AFG1L: variants seen among roughly 807,000 people sequenced by gnomAD.
AFG1L encodes the protein AFG1-like ATPase.
Under a neutral mutation model 62.2 loss-of-function variants are expected in AFG1L, and 53 were observed. The observed-to-expected ratio is 0.85, with a 90% confidence interval of 0.68 to 1.07. The LOEUF is 1.07. Ranked by LOEUF, AFG1L falls within the 50% of genes least tolerant of loss-of-function variation. The probability of loss-of-function intolerance (pLI) is 0.00; values close to 1 mark genes in which losing one functional copy is unlikely to be tolerated. For missense variants in AFG1L, 555 were observed against 590.5 expected (o/e 0.94, Z 0.62); for synonymous variants, 228 against 210.3 (o/e 1.08, Z -0.73).
intron 8 of AFG1L, among the ~76,000 whole-genome samples, chr6:108,459,948 G>T (rs541371631): frequency 1.3e-5 from 2 of 152,106 alleles, no homozygotes; most frequent in Non-Finnish European, 2.9e-5. Flanking sequence ...ATAAGAAAGA[G>T]AGAGATGGAT....
intron 10 of AFG1L, among the ~76,000 whole-genome samples, chr6:108,505,079 A>ATTTTTTTTTTTTTT (rs34326858): frequency 7.0e-6 from 1 of 142,890 alleles, no homozygotes; most frequent in Non-Finnish European, 1.5e-5. Context: ...CTGAGCTTGG[A>ATTTTTTTTTTTTTT]TTTTTTTTTT....
chr6:108,347,924 T>C (rs1582413601), intron 3 of AFG1L, among the ~76,000 whole-genome samples: 1 of 152,158 alleles, frequency 6.6e-6, no homozygotes, highest in African/African-American at 2.4e-5. Flanking sequence ...GAGGTCAGTT[T>C]TGGACCTAGA....
At chr6:108,456,989 A>G (rs1338053384) in intron 8 of AFG1L, among the ~76,000 whole-genome samples, 1 of 152,170 alleles carries the variant, frequency 6.6e-6, no homozygotes, top group Non-Finnish European at 1.5e-5. Context: ...GGTTTGTGTC[A>G]GTATACTCTT....
intron 7 of AFG1L, among the ~76,000 whole-genome samples, chr6:108,437,122 C>G (rs1233962544): frequency 2.6e-5 from 4 of 152,190 alleles, no homozygotes; most frequent in Non-Finnish European, 5.9e-5. Context: ...AGGACTTAAT[C>G]ACCTCCCAAA....
At chr6:108,338,460 G>C (rs1346330085) in intron 2 of AFG1L, among the ~76,000 whole-genome samples, 1 of 152,168 alleles carries the variant, frequency 6.6e-6, no homozygotes, top group Non-Finnish European at 1.5e-5. Context: ...CAAAGACTCT[G>C]AGAAATTCTG....
chr6:108,423,568 A>G (rs1172182663), intron 7 of AFG1L, among the ~76,000 whole-genome samples: 1 of 152,074 alleles, frequency 6.6e-6, no homozygotes, highest in Non-Finnish European at 1.5e-5. Flanking sequence ...TGCTTGGTAC[A>G]AAATACATTG....
rs147922529 is a variant in AFG1L at position 108,459,797 on chromosome 6, A to G, written c.890+12501A>G. Among the ~76,000 whole-genome samples the G allele has an allele frequency of 1.2e-4, 18 of 152,356 alleles. No homozygotes were observed. In the East Asian group the frequency reaches 3.3e-3, roughly 28 times the overall value. The stretch of plus-strand genomic sequence containing the variant: ...CACAAATTCTATAATAATTGCTACA[A>G]AATGAAACCTGAATTTTATCCATTT... On this transcript the variant is annotated intron_variant, in intron 8 of 12. Transcript: ENST00000368977.
rs35234209 is a variant in AFG1L, at chr6:108,365,483, G to GTT, written c.649-743_649-742dup. ...CTATATTAGCCATTCTTGAAAGGTG[G>GTT]TTTTTTTTGTTTTTTTTTTTTTTGG... is the stretch of plus-strand genomic sequence containing the variant. On this transcript the variant is annotated intron_variant, in intron 5 of 12. Transcript: ENST00000368977. Among the ~76,000 whole-genome samples the GTT allele has an allele frequency of 1.1e-3, 124 of 108,648 alleles. 26 individuals carry two copies. The highest frequency in any genetic ancestry group is 1.4e-3 in the Admixed American group (14 of 9,706). 71.3% of individuals were successfully genotyped at this position (108,648 alleles called of 152,430 possible).
intron 7 of AFG1L, among the ~76,000 whole-genome samples, chr6:108,436,552 C>T (rs1771320932): frequency 6.6e-6 from 1 of 152,138 alleles, no homozygotes; most frequent in Admixed American, 6.5e-5. Flanking sequence ...CAGAGGGCAA[C>T]AGATGTAGGA....
chr6:108,412,733 C>G (rs1782173324), intron 7 of AFG1L, among the ~76,000 whole-genome samples: 1 of 152,124 alleles, frequency 6.6e-6, no homozygotes, highest in Non-Finnish European at 1.5e-5. Flanking sequence ...TTTGTCACCA[C>G]CAGGCCTGCC....
chr6:108,396,133 C>T (rs1195159696), intron 6 of AFG1L, among the ~76,000 whole-genome samples: 1 of 151,834 alleles, frequency 6.6e-6, no homozygotes, highest in Non-Finnish European at 1.5e-5. Context: ...CCCGACTTGG[C>T]CTCTCAAAGT....
At chr6:108,473,660 C>T (rs1472182751) in intron 8 of AFG1L, among the ~76,000 whole-genome samples, 11 of 152,128 alleles carry the variant, frequency 7.2e-5, no homozygotes, top group Admixed American at 2.0e-4. Flanking sequence ...CGGGTTCAAG[C>T]GATTCTCCTG....
chr6:108,356,368 C>T (rs774162423), intron 4 of AFG1L, among the ~76,000 whole-genome samples: 3 of 152,222 alleles, frequency 2.0e-5, no homozygotes, highest in African/African-American at 7.2e-5. Flanking sequence ...CCTCTGCTCT[C>T]ATCCCTGAAA....
At chr6:108,522,091 CTG>C in intron 12 of AFG1L, 1 of 350,042 alleles carries the variant, frequency 2.9e-6, no homozygotes, top group Non-Finnish European at 5.3e-6. Flanking sequence ...AGTTTTCTCT[CTG>C]ATAATTTGAT....
intron 2 of AFG1L, chr6:108,344,935 C>T: frequency 2.6e-6 from 1 of 383,798 alleles, no homozygotes; most frequent in Non-Finnish European, 5.3e-6. Flanking sequence ...TGACTGCTTT[C>T]CTGACCTGCA....
intron 1 of AFG1L, chr6:108,319,785 A>C (rs1412596434): frequency 2.3e-6 from 1 of 438,252 alleles, no homozygotes; most frequent in Non-Finnish European, 4.6e-6. Context: ...CAACTTTAAA[A>C]AATTAGGTAT....
chr6:108,375,323 T>G (rs79829163), intron 6 of AFG1L, among the ~76,000 whole-genome samples: 1 of 152,206 alleles, frequency 6.6e-6, no homozygotes, highest in African/African-American at 2.4e-5. Flanking sequence ...CTTTTATTTC[T>G]TCCTCTTGCC....
intron 1 of AFG1L, among the ~76,000 whole-genome samples, chr6:108,315,871 G>A (rs1777570932): frequency 6.6e-6 from 1 of 152,104 alleles, no homozygotes; most frequent in Admixed American, 6.5e-5. Flanking sequence ...AACACAGGTA[G>A]AACCCCTCTC....
At chr6:108,364,684 A>G (rs1430045794) in intron 5 of AFG1L, among the ~76,000 whole-genome samples, 1 of 152,198 alleles carries the variant, frequency 6.6e-6, no homozygotes. Context: ...GTGTTCAAGC[A>G]TTTGAAAAGG....
Sources: allele counts gnomAD v4.1 joint callset (sites outside exome capture counted in the v4.1 genomes callset), GRCh38; gene constraint gnomAD v4.1.1; transcripts MANE v1.5; gene names NCBI Gene and HGNC (gene_info 2026-07-23, HGNC 2026-07-21).